The following TANC1 variants were observed in gnomAD, a reference collection of about 807,000 sequenced individuals.
The protein encoded by TANC1 is tetratricopeptide repeat, ankyrin repeat and coiled-coil containing 1.
TANC1 carries 77 observed loss-of-function variants against 149.7 expected under a neutral mutation model. The observed-to-expected ratio is 0.51, with a 90% CI of 0.43 to 0.62. TANC1 has a LOEUF of 0.62. Among genes scored for constraint, TANC1 ranks in the 20% least tolerant of loss-of-function variants. The pLI is 0.00. For missense variants in TANC1, 1,985 were observed against 2,321.8 expected, an observed-to-expected ratio of 0.85 and a Z score of 2.98; for synonymous variants, 854 against 925.0, an observed-to-expected ratio of 0.92 and a Z score of 1.39.
chr2:159,017,194 T>C (rs975912737), intron 2 of TANC1, among the ~76,000 whole-genome samples: 1 of 152,156 alleles, frequency 6.6e-6, no homozygotes, highest in African/African-American at 2.4e-5. Flanking sequence ...GTTTATTATA[T>C]GGGACATACA....
intron 4 of TANC1, among the ~76,000 whole-genome samples, chr2:159,099,782 T>A (rs2046490842): frequency 6.6e-6 from 1 of 151,830 alleles, no homozygotes; most frequent in South Asian, 2.1e-4. Flanking sequence ...TGCCTCTTAG[T>A]AATTTTTCAT....
At chr2:159,152,252 A>C (rs1281787853) in intron 7 of TANC1, among the ~76,000 whole-genome samples, 2 of 152,024 alleles carry the variant, frequency 1.3e-5, no homozygotes, top group African/African-American at 4.8e-5. Context: ...CTTATGCCCT[A>C]TCTCTTCTGA....
intron 4 of TANC1, among the ~76,000 whole-genome samples, chr2:159,102,113 G>A (rs993678136): frequency 1.3e-4 from 20 of 152,168 alleles, no homozygotes; most frequent in African/African-American, 4.8e-4. Flanking sequence ...GTCTGCGAAG[G>A]CACTCCCTCC....
At chr2:159,193,945 A>C (rs1164837166) in intron 16 of TANC1, among the ~76,000 whole-genome samples, 2 of 152,024 alleles carry the variant, frequency 1.3e-5, no homozygotes, top group Non-Finnish European at 2.9e-5. Context: ...TACAGCCTCA[A>C]ACTCCTGGCC....
intron 3 of TANC1, among the ~76,000 whole-genome samples, chr2:159,096,787 AG>A (rs2046187123): frequency 6.6e-6 from 1 of 152,238 alleles, no homozygotes; most frequent in East Asian, 1.9e-4. Context: ...GCAGGTAACC[AG>A]GGAACAGACG....
intron 14 of TANC1, among the ~76,000 whole-genome samples, chr2:159,181,929 G>A (rs568994260): frequency 1.4e-4 from 21 of 152,250 alleles, no homozygotes; most frequent in Non-Finnish European, 2.2e-4. Flanking sequence ...GGCCGGGTGC[G>A]GTGGCTTACG....
intron 4 of TANC1, among the ~76,000 whole-genome samples, chr2:159,124,888 C>G (rs1355036459): frequency 2.4e-5 from 3 of 125,216 alleles, no homozygotes; most frequent in Non-Finnish European, 3.3e-5. Flanking sequence ...AGTACAGGCA[C>G]GCACCACCAT....
At chr2:159,015,868 A>G (rs985712987) in intron 2 of TANC1, among the ~76,000 whole-genome samples, 2 of 152,238 alleles carry the variant, frequency 1.3e-5, no homozygotes, top group East Asian at 1.9e-4. Flanking sequence ...CATTGTCCAT[A>G]TCATTATCAG....
At chr2:159,109,975 TAAGA>T (rs2047566037) in intron 4 of TANC1, among the ~76,000 whole-genome samples, 1 of 152,344 alleles carries the variant, frequency 6.6e-6, no homozygotes, top group South Asian at 2.1e-4. Flanking sequence ...AGATCTATAG[TAAGA>T]ATGAATCTTC....
intron 2 of TANC1, among the ~76,000 whole-genome samples, chr2:159,039,712 G>A (rs1333623801): frequency 6.6e-6 from 1 of 152,210 alleles, no homozygotes; most frequent in African/African-American, 2.4e-5. Context: ...TATGGTCTGA[G>A]AGACGGTTTG....
intron 4 of TANC1, among the ~76,000 whole-genome samples, chr2:159,113,886 C>G (rs1429319976): frequency 6.6e-6 from 1 of 152,136 alleles, no homozygotes; most frequent in Admixed American, 6.5e-5. Context: ...CTTGGGTTAG[C>G]AAATATTGTT....
At chr2:158,972,155 T>C (rs548926661) in intron 1 of TANC1, among the ~76,000 whole-genome samples, 1 of 152,358 alleles carries the variant, frequency 6.6e-6, no homozygotes, top group Admixed American at 6.5e-5. Context: ...CAACTTCTTT[T>C]TTATTAAGTA....
At chr2:159,128,539 C>G (rs2049732111) in intron 4 of TANC1, among the ~76,000 whole-genome samples, 1 of 152,196 alleles carries the variant, frequency 6.6e-6, no homozygotes, top group Admixed American at 6.5e-5. Flanking sequence ...TTTTCTGTCT[C>G]CTTCCCCCAA....
chr2:159,222,788 A>G (rs1302555762), intron 22 of TANC1, among the ~76,000 whole-genome samples: 1 of 152,144 alleles, frequency 6.6e-6, no homozygotes, highest in African/African-American at 2.4e-5. Flanking sequence ...TAGTGATTGT[A>G]TTTTTAATTT....
chr2:159,066,088 GAACA>G (rs754621191), intron 3 of TANC1, 117 bp downstream of exon 3: 22 of 796,968 alleles, frequency 2.8e-5, no homozygotes, highest in South Asian at 1.4e-4. Flanking sequence ...ACCTGGGTTA[GAACA>G]AACAGTGTGC....
Position 159,229,781 on chromosome 2 carries a change from A to G in TANC1, c.4355A>G (p.Asp1452Gly). 1 of 1,613,876 alleles carries G rather than the reference A, an allele frequency of 6.2e-7. No homozygotes were observed. Among genetic ancestry groups the G allele is most frequent in the Non-Finnish European group, 8.5e-7 (1 of 1,179,998 alleles). The change falls in exon 27 of 27, where the codon GAC (aspartate) becomes GGC (glycine). Residue 1452 changes from aspartate (D) to glycine (G), a missense_variant. Coordinates refer to ENST00000263635, the MANE Select transcript of TANC1 (RefSeq NM_033394.3). ...GACACCCCAACCCCTGGCTTAAGTG[A>G]CCACTTTCACTCTGAGGAGACTGAA... ...EEDTPTPGLSDHFHSEETEEE... is the reference protein window; with the variant it reads ...EEDTPTPGLSGHFHSEETEEE...
chr2:159,094,399 A>C (rs540702500), intron 3 of TANC1, among the ~76,000 whole-genome samples: 29 of 152,230 alleles, frequency 1.9e-4, no homozygotes, highest in African/African-American at 6.3e-4. Context: ...TACACCCATG[A>C]ATTAGGTGAC....
chr2:159,039,369 T>C (rs1225931692), intron 2 of TANC1, among the ~76,000 whole-genome samples: 2 of 152,190 alleles, frequency 1.3e-5, no homozygotes, highest in Admixed American at 6.5e-5. Flanking sequence ...TGCTCTGATC[T>C]TAGTTATTTC....
chr2:159,010,251 A>G (rs1190482491), intron 2 of TANC1, among the ~76,000 whole-genome samples: 3 of 152,230 alleles, frequency 2.0e-5, no homozygotes, highest in Non-Finnish European at 2.9e-5. Flanking sequence ...TTAATTTTAC[A>G]TAAAAAAGAC....
Sources: allele counts gnomAD v4.1 joint callset (sites outside exome capture counted in the v4.1 genomes callset), GRCh38; gene constraint gnomAD v4.1.1; transcripts MANE v1.5; gene names NCBI Gene and HGNC (gene_info 2026-07-23, HGNC 2026-07-21).